Variants in CLSPN observed in about 807,000 individuals in gnomAD.
CLSPN encodes claspin.
Under a neutral mutation model 156.3 loss-of-function variants are expected in CLSPN, and 85 were observed. The ratio of observed to expected loss-of-function variants is 0.54; its 90% confidence interval spans 0.46 to 0.65. The LOEUF is 0.65. CLSPN is among the 30% of genes least tolerant of loss of function. The pLI is 0.00. For missense variants in CLSPN, 1,407 were observed against 1,554.9 expected (o/e 0.90, Z 1.60); for synonymous variants, 534 against 542.4 (o/e 0.98, Z 0.22).
At chr1:35,724,124 G>T (rs1292818073) in intron 24 of CLSPN, among the ~76,000 whole-genome samples, 1 of 152,168 alleles carries the variant, frequency 6.6e-6, no homozygotes, top group Non-Finnish European at 1.5e-5. Context: ...TATTTTAAGA[G>T]ATGGGAGTCT....
chr1:35,760,611 T>C lies in CLSPN; in HGVS notation c.1310A>G (p.Asn437Ser), dbSNP rs200528144. The change falls in exon 8 of 25, where the codon AAC becomes AGC. Residue 437 changes from asparagine to serine, a missense_variant. Around this residue, in one of 3 missense-constraint regions of CLSPN, gnomAD observed 1,096 missense variants for 1,193.0 expected, o/e 0.92. Coordinates refer to ENST00000318121, the MANE Select transcript of CLSPN (RefSeq NM_022111.4). ...AACCTGACATTCCTCACTGTGATTG[T>C]TCCCGAGGAAGTTGGATTCCTGTTG... is the stretch of plus-strand genomic sequence containing the variant. ...VLQQESNFLG[N>S]NHSEECQVGG... is the part of the protein sequence containing the mutation. 425 of 1,614,196 alleles carry C rather than the reference T, an allele frequency of 2.6e-4. 2 individuals are homozygous for C. In the South Asian group the frequency reaches 4.4e-3, roughly 17 times the overall value.
At position 35,733,396 on chromosome 1, in the gene CLSPN, G is replaced by T; in HGVS notation, c.*3100C>A. On this transcript the variant is annotated 3_prime_UTR_variant, in exon 25 of 25. Transcript: ENST00000318121. ...TCTCGAACTCCTGAGTTCAAGCAATGCACCCACCTCAGTCTCCTAAAGTGC... is the reference window on the plus strand; with the variant it reads ...TCTCGAACTCCTGAGTTCAAGCAATTCACCCACCTCAGTCTCCTAAAGTGC... The T allele has an allele frequency of 1.3e-6, 1 of 787,312 alleles. No homozygotes were observed. The highest frequency in any genetic ancestry group is 1.5e-6 in the Non-Finnish European group (1 of 656,716). The allele number at this position is 787,312 out of a possible 1,614,324, so 48.8% of individuals were successfully genotyped here. A position where few individuals can be genotyped will look rare whatever the true frequency, so the allele number is the denominator to read the frequency against.
intron 22 of CLSPN, 41 bp from the exon 23 acceptor site, chr1:35,737,462 G>T: frequency 1.4e-6 from 2 of 1,472,258 alleles, no homozygotes; most frequent in South Asian, 1.1e-5. Context: ...GGGAAAAGCT[G>T]ATTAGAATTA....
In CLSPN at chr1:35,747,001, C is replaced by T. The variant is rs370348798; in HGVS notation, c.2628-9G>A. On this transcript the variant is annotated splice_polypyrimidine_tract_variant and intron_variant, in intron 14 of 24. Transcript: ENST00000318121. ...TTCTAACATTTAAGAACCTAAGAAC[C>T]AATGAGCACAACGAATAGTGTAAAA... 14 of 1,604,298 alleles carry T rather than the reference C, an allele frequency of 8.7e-6. No homozygotes were observed. The highest frequency in any genetic ancestry group is 1.2e-5 in the Non-Finnish European group (14 of 1,171,286).
chr1:35,769,805 C>T (rs1642805443), intron 1 of CLSPN, 42 bp downstream of exon 1: 5 of 1,574,492 alleles, frequency 3.2e-6, no homozygotes, highest in East Asian at 2.4e-5. Context: ...TCTCGGTGCC[C>T]GGCCTTCTAA....
chr1:35,737,838 A>G (rs1641528846), intron 22 of CLSPN, 154 bp downstream of exon 22: 1 of 444,214 alleles, frequency 2.3e-6, no homozygotes, highest in African/African-American at 2.0e-5. Context: ...ATCTAAGTAC[A>G]CTGTCTCCCA....
downstream of CLSPN, among the ~76,000 whole-genome samples, chr1:35,731,721 T>C (rs79062711): frequency 1.2e-4 from 19 of 152,276 alleles, no homozygotes; most frequent in East Asian, 3.7e-3. Context: ...TTGGAAATTG[T>C]CTGATTACAG....
chr1:35,721,151 TTAC>T (rs1302353936), intron 24 of CLSPN, among the ~76,000 whole-genome samples: 15 of 152,204 alleles, frequency 9.9e-5, no homozygotes, highest in African/African-American at 2.4e-5. Context: ...AGAATGCTGA[TTAC>T]TACAATAGCA....
In CLSPN at chr1:35,735,714, AAAAAG is replaced by A. The variant is rs1377919226; in HGVS notation, c.*777_*781del. The A allele has an allele frequency of 5.1e-6, 5 of 984,736 alleles. No individual in the cohort carries two copies. The African/African-American group carries it at 8.8e-5, about 17-fold the overall frequency. 61.0% of individuals were successfully genotyped at this position (984,736 alleles called of 1,614,324 possible). A position where few individuals can be genotyped will look rare whatever the true frequency, so the allele number is the denominator to read the frequency against. ...CAAAGTGAGACTATCTCAAAAAAAA[AAAAAG>A]AAATCTTTCTTTCACCGAGCCCTGG... On this transcript the variant is annotated 3_prime_UTR_variant, in exon 25 of 25. Coordinates refer to ENST00000318121, the MANE Select transcript of CLSPN (RefSeq NM_022111.4).
Position 35,749,729 on chromosome 1 carries a change from C to T in CLSPN, c.2111G>A (p.Ser704Asn). 6.2e-7 allele frequency: 1 copy of T among 1,614,126 alleles called. No individual in the cohort carries two copies. Among genetic ancestry groups the T allele is most frequent in the Non-Finnish European group, 8.5e-7 (1 of 1,179,992 alleles). ...EMDKENNDGS[S>N]EIGKAVGFLS... is the part of the protein sequence containing the mutation. The stretch of plus-strand genomic sequence containing the variant: ...GAAGCCAACTGCCTTGCCAATTTCA[C>T]TACTGCCATCATTATTTTCTTTATC... Residue 704 changes from serine (S) to asparagine (N), a missense_variant, in exon 11 of 25, where the codon AGT becomes AAT. By Grantham distance (46) the Ser-to-Asn change is conservative. Around this residue, in one of 3 missense-constraint regions of CLSPN, gnomAD observed 1,096 missense variants for 1,193.0 expected, o/e 0.92. Coordinates refer to ENST00000318121, the MANE Select transcript of CLSPN (RefSeq NM_022111.4).
intron 20 of CLSPN, among the ~76,000 whole-genome samples, chr1:35,738,800 C>CTTTTTTTTTTTTTTTTTT: frequency 1.0e-5 from 1 of 96,380 alleles, no homozygotes. Flanking sequence ...TAACTGTTTG[C>CTTTTTTTTTTTTTTTTTT]TTTTTTTTTT....
In CLSPN at chr1:35,749,649, T is replaced by C; in HGVS notation, c.2191A>G (p.Ser731Gly). 6.2e-7 allele frequency: 1 copy of C among 1,614,050 alleles called. No individual in the cohort carries two copies. Among genetic ancestry groups the C allele is most frequent in the Non-Finnish European group, 8.5e-7 (1 of 1,179,960 alleles). ...ATCACTTACCCCATCTTGGAAGAGCTGTCCTTAAACAGAAGTAAAGTAGAA... is the reference window on the plus strand; with the variant it reads ...ATCACTTACCCCATCTTGGAAGAGCCGTCCTTAAACAGAAGTAAAGTAGAA... ...SDSTLLLFKD[S>G]SSKMGYFPTE... The change falls in exon 11 of 25, where the codon AGC becomes GGC. Residue 731 changes from serine (S) to glycine (G), a missense_variant. By Grantham distance (56) the Ser-to-Gly change is moderately conservative (BLOSUM62 0). This residue lies in a region of CLSPN where 1,096 missense variants were observed against 1,193.0 expected (regional missense o/e 0.92). Coordinates refer to ENST00000318121, the MANE Select transcript of CLSPN (RefSeq NM_022111.4).
At chr1:35,755,607 A>T (rs1345971097) in intron 8 of CLSPN, among the ~76,000 whole-genome samples, 1 of 151,862 alleles carries the variant, frequency 6.6e-6, no homozygotes, top group Non-Finnish European at 1.5e-5. Context: ...CGGTTTTGCC[A>T]TGTTGTCCAG....
intron 8 of CLSPN, among the ~76,000 whole-genome samples, chr1:35,755,639 T>A (rs1292165579): frequency 6.6e-6 from 1 of 152,140 alleles, no homozygotes; most frequent in Non-Finnish European, 1.5e-5. Flanking sequence ...ACTCCTGGAC[T>A]GAAATGATCC....
At position 35,736,336 on chromosome 1, in the gene CLSPN, C is replaced by A. The variant is rs1157758157; in HGVS notation, c.*160G>T. 1 of 1,311,526 alleles carries A rather than the reference C, an allele frequency of 7.6e-7. No individual in the cohort carries two copies. Among genetic ancestry groups the A allele is most frequent in the Non-Finnish European group, 9.7e-7 (1 of 1,031,342 alleles). The allele number at this position is 1,311,526 out of a possible 1,614,324, so 81.2% of individuals were successfully genotyped here. On this transcript the variant is annotated 3_prime_UTR_variant, in exon 25 of 25. Transcript: ENST00000318121. ...GGAATAATACTAGGAAAAGAGATGT[C>A]CAGAGCTGTGCAGTAGAAATCACTG...
intron 9 of CLSPN, among the ~76,000 whole-genome samples, chr1:35,753,306 G>T (rs1311426440): frequency 1.3e-5 from 2 of 151,918 alleles, no homozygotes; most frequent in Non-Finnish European, 2.9e-5. Context: ...GCCCAGGCTG[G>T]TCTCCAACTC....
intron 1 of CLSPN, among the ~76,000 whole-genome samples, chr1:35,765,991 TC>T (rs1228094157): frequency 2.5e-5 from 1 of 39,512 alleles, no homozygotes; most frequent in East Asian, 1.3e-3. Context: ...TCTCTCTCTC[TC>T]TCTTTTTTTT....
downstream of CLSPN, among the ~76,000 whole-genome samples, chr1:35,731,015 C>T (rs964877550): frequency 2.0e-5 from 3 of 151,930 alleles, no homozygotes; most frequent in African/African-American, 7.3e-5. Flanking sequence ...GCCTGACCAA[C>T]ATAGTGAAAC....
At chr1:35,767,386 T>C (rs754606493) in intron 1 of CLSPN, among the ~76,000 whole-genome samples, 18 of 152,186 alleles carry the variant, frequency 1.2e-4, no homozygotes, top group Non-Finnish European at 2.4e-4. Context: ...TTCTTCCAAA[T>C]AATCCTGTGA....
Sources: allele counts gnomAD v4.1 joint callset (sites outside exome capture counted in the v4.1 genomes callset), GRCh38; gene constraint gnomAD v4.1.1; regional missense constraint gnomAD v4.1.1; transcripts MANE v1.5; gene names NCBI Gene and HGNC (gene_info 2026-07-23, HGNC 2026-07-21).